The following PNPLA1 variants were observed in gnomAD, a reference collection of about 807,000 sequenced individuals.
PNPLA1 encodes omega-hydroxyceramide transacylase.
PNPLA1 carries 36 observed loss-of-function variants against 51.7 expected under a neutral mutation model. That is an observed-to-expected ratio of 0.70 (90% CI 0.53 to 0.92). The LOEUF (loss-of-function observed/expected upper bound fraction) is 0.92. Among genes scored for constraint, PNPLA1 ranks in the 40% least tolerant of loss-of-function variants. The pLI, the probability that PNPLA1 is intolerant of heterozygous loss-of-function variation, is 0.00. For synonymous variants in PNPLA1, 293 were observed against 280.1 expected (o/e 1.05, Z -0.46); for missense variants, 658 against 682.5 (o/e 0.96, Z 0.40).
intron 5 of PNPLA1, among the ~76,000 whole-genome samples, chr6:36,300,533 C>T (rs146192548): frequency 2.0e-5 from 3 of 152,206 alleles, no homozygotes; most frequent in East Asian, 1.9e-4. Context: ...TTTTGTAGAA[C>T]GTCCCTCAGT....
chr6:36,296,141 C>T (rs1188985133), intron 5 of PNPLA1, among the ~76,000 whole-genome samples: 1 of 152,168 alleles, frequency 6.6e-6, no homozygotes, highest in Non-Finnish European at 1.5e-5. Context: ...AGATTCCCAG[C>T]TCTACAAGAA....
intron 1 of PNPLA1, among the ~76,000 whole-genome samples, chr6:36,275,737 TTA>T (rs1404514932): frequency 6.6e-6 from 1 of 152,206 alleles, no homozygotes; most frequent in African/African-American, 2.4e-5. Flanking sequence ...ATTGCCTCCA[TTA>T]TGTTTGGCCC....
intron 1 of PNPLA1, among the ~76,000 whole-genome samples, chr6:36,247,968 A>G (rs1769333839): frequency 6.6e-6 from 1 of 152,184 alleles, no homozygotes; most frequent in Non-Finnish European, 1.5e-5. Context: ...CAGGAAATTG[A>G]GGCCCAGAGA....
Position 36,270,649 on chromosome 6 carries a change from T to A in PNPLA1, c.190T>A (p.Cys64Ser), listed in dbSNP as rs1250770743. The A allele has an allele frequency of 6.4e-7, 1 of 1,550,906 alleles. No individual in the cohort carries two copies. Among genetic ancestry groups the A allele is most frequent in the Non-Finnish European group, 8.7e-7 (1 of 1,146,984 alleles). ...TGCTGTGATCGCCGCCCTGGCCATC[T>A]GCGGGATTGAAATGGGTGAGGCCTG... ...AGAVIAALAI[C>S]GIEMDEYLRV... Residue 64 changes from cysteine (C) to serine (S), a missense_variant, in exon 1 of 9, where the codon TGC becomes AGC. Cys to Ser is a moderately radical substitution (Grantham distance 112, BLOSUM62 -1). Coordinates refer to ENST00000636260, the MANE Select transcript of PNPLA1 (RefSeq NM_001374623.1).
intron 1 of PNPLA1, among the ~76,000 whole-genome samples, chr6:36,275,081 G>A (rs11755946): frequency 0.026 from 4,025 of 152,120 alleles, 91 homozygotes; most frequent in South Asian, 0.12. Flanking sequence ...CTTGGGTTTT[G>A]TTTTGTTTTG....
upstream of PNPLA1, among the ~76,000 whole-genome samples, chr6:36,266,986 C>T (rs1769775008): frequency 6.6e-6 from 1 of 152,152 alleles, no homozygotes; most frequent in Non-Finnish European, 1.5e-5. Context: ...AGTATCCATC[C>T]TGGGTGGCTT....
intron 7 of PNPLA1, among the ~76,000 whole-genome samples, chr6:36,306,665 CT>C (rs1324253326): frequency 2.6e-5 from 4 of 152,186 alleles, no homozygotes; most frequent in Non-Finnish European, 5.9e-5. Flanking sequence ...TGTGCATCCC[CT>C]GCCCTCATAT....
chr6:36,308,444 G>C (rs1771310296), intron 8 of PNPLA1: 8 of 152,134 alleles, frequency 5.3e-5, no homozygotes. Flanking sequence ...CCAGCATACA[G>C]TTAAGGGCCC....
intron 5 of PNPLA1, among the ~76,000 whole-genome samples, chr6:36,296,969 A>G (rs1007429482): frequency 3.9e-5 from 6 of 152,178 alleles, no homozygotes; most frequent in Admixed American, 3.9e-4. Flanking sequence ...TATTTTGAAG[A>G]TTAAAGGAGC....
intron 1 of PNPLA1, among the ~76,000 whole-genome samples, chr6:36,245,998 C>T (rs1769272305): frequency 6.6e-6 from 1 of 152,186 alleles, no homozygotes; most frequent in South Asian, 2.1e-4. Context: ...CCATCTCAGC[C>T]TGTTTTTGTT....
chr6:36,267,163 T>C (rs1769779435), upstream of PNPLA1, among the ~76,000 whole-genome samples: 1 of 152,224 alleles, frequency 6.6e-6, no homozygotes, highest in African/African-American at 2.4e-5. Flanking sequence ...GCAAAGATCA[T>C]GAGATGACTA....
chr6:36,281,756 A>G (rs1279557156), intron 1 of PNPLA1, among the ~76,000 whole-genome samples: 1 of 152,114 alleles, frequency 6.6e-6, no homozygotes, highest in African/African-American at 2.4e-5. Context: ...GCAGTGGCTC[A>G]CACCTGTAGT....
intron 7 of PNPLA1, among the ~76,000 whole-genome samples, chr6:36,307,374 A>G (rs1771269929): frequency 6.6e-6 from 1 of 152,168 alleles, no homozygotes; most frequent in South Asian, 2.1e-4. Flanking sequence ...TAACTCTATA[A>G]AAGTCGGAGT....
intron 1 of PNPLA1, among the ~76,000 whole-genome samples, chr6:36,280,369 G>A (rs184867815): frequency 4.3e-4 from 66 of 152,276 alleles, no homozygotes; most frequent in African/African-American, 1.5e-3. Context: ...CATTGGCTCC[G>A]GCCAAACACC....
At chr6:36,281,755 C>T (rs1770289063) in intron 1 of PNPLA1, among the ~76,000 whole-genome samples, 1 of 152,120 alleles carries the variant, frequency 6.6e-6, no homozygotes, top group Admixed American at 6.5e-5. Flanking sequence ...TGCAGTGGCT[C>T]ACACCTGTAG....
chr6:36,291,592 C>CGGG, intron 2 of PNPLA1, 40 bp downstream of exon 2: 1 of 105,202 alleles, frequency 9.5e-6, no homozygotes, highest in East Asian at 2.3e-4. Context: ...ACGGAGGGGG[C>CGGG]GGGGGAGGGC....
At chr6:36,295,452 G>C in intron 5 of PNPLA1, 28 bp downstream of exon 5, 1 of 1,610,080 alleles carries the variant, frequency 6.2e-7, no homozygotes, top group Non-Finnish European at 8.5e-7. Flanking sequence ...CCCAGGTAAG[G>C]GCAGTGTTGG....
intron 1 of PNPLA1, among the ~76,000 whole-genome samples, chr6:36,244,278 A>G (rs1769214872): frequency 6.6e-6 from 1 of 152,138 alleles, no homozygotes; most frequent in African/African-American, 2.4e-5. Flanking sequence ...TAAGGGTACT[A>G]GTTTCTTGCA....
chr6:36,251,485 T>A (rs1407581523), intron 1 of PNPLA1, among the ~76,000 whole-genome samples: 1 of 152,220 alleles, frequency 6.6e-6, no homozygotes, highest in Admixed American at 6.5e-5. Context: ...ACCAGTAAGA[T>A]GTGAGCAGGA....
Sources: gnomAD v4.1 joint callset for allele counts (sites outside exome capture counted in the v4.1 genomes callset) on GRCh38, gnomAD v4.1.1 for gene constraint, MANE v1.5 for transcripts, NCBI Gene and HGNC (gene_info 2026-07-23, HGNC 2026-07-21) for gene names.